Variants in COG3 observed in about 807,000 individuals in gnomAD.
COG3 encodes the protein conserved oligomeric Golgi complex subunit 3.
In COG3, 32 loss-of-function variants were observed where a neutral mutation model predicts 114.1. The ratio of observed to expected loss-of-function variants is 0.28; its 90% CI spans 0.21 to 0.38. COG3 has a LOEUF of 0.38. Among genes scored for constraint, COG3 ranks in the 10% least tolerant of loss-of-function variants. The pLI, the probability that COG3 is intolerant of heterozygous loss-of-function variation, is 1.00. For synonymous variants in COG3, 352 were observed against 365.7 expected (o/e 0.96, Z 0.43); for missense variants, 813 against 973.2 (o/e 0.84, Z 2.19).
chr13:45,496,375 A>T (rs189807534), intron 13 of COG3, 63 bp downstream of exon 13: 6 of 1,221,848 alleles, frequency 4.9e-6, no homozygotes, highest in Non-Finnish European at 6.2e-6. Context: ...TTTATTTATT[A>T]TTTTTTTAAA....
At chr13:45,480,425 C>T (rs568688594) in intron 4 of COG3, 135 bp downstream of exon 4, 5 of 596,098 alleles carry the variant, frequency 8.4e-6, no homozygotes, top group African/African-American at 5.5e-5. Flanking sequence ...GCTCAGCATG[C>T]AGATTGTTAC....
At chr13:45,514,631 TG>T (rs1373093831) in intron 16 of COG3, among the ~76,000 whole-genome samples, 1 of 152,080 alleles carries the variant, frequency 6.6e-6, no homozygotes, top group African/African-American at 2.4e-5. Flanking sequence ...ATTATTTTCA[TG>T]GTTGAGCTTG....
At chr13:45,500,629 A>G (rs1030136540) in intron 13 of COG3, among the ~76,000 whole-genome samples, 1 of 152,234 alleles carries the variant, frequency 6.6e-6, no homozygotes, top group African/African-American at 2.4e-5. Flanking sequence ...CCCTGCACCC[A>G]GTTGCTCCTA....
At chr13:45,489,085 G>A (rs1886846849) in intron 8 of COG3, among the ~76,000 whole-genome samples, 1 of 150,688 alleles carries the variant, frequency 6.6e-6, no homozygotes, top group African/African-American at 2.5e-5. Context: ...TACTTGGGAG[G>A]CTGAGGTGGG....
chr13:45,511,709 C>CTTTTTTTTT, intron 15 of COG3, 56 bp from the exon 16 acceptor site: 1 of 1,287,350 alleles, frequency 7.8e-7, no homozygotes, highest in African/African-American at 1.5e-5. Flanking sequence ...TAGGATATTC[C>CTTTTTTTTT]TTTTTTTTTG....
chr13:45,512,654 G>T (rs1479554263), intron 16 of COG3, among the ~76,000 whole-genome samples: 1 of 151,272 alleles, frequency 6.6e-6, no homozygotes, highest in African/African-American at 2.4e-5. Context: ...CTGAGAGAGG[G>T]TCTTACTCTG....
chr13:45,500,278 A>G (rs1869387225), intron 13 of COG3, among the ~76,000 whole-genome samples: 4 of 152,170 alleles, frequency 2.6e-5, no homozygotes, highest in Admixed American at 2.6e-4. Flanking sequence ...AAATTTTTTA[A>G]AAATGTAATC....
In COG3 at chr13:45,482,393, C is replaced by T. The variant is rs144395259; in HGVS notation, c.637C>T (p.Pro213Ser). 5 of 1,529,482 alleles carry T rather than the reference C, an allele frequency of 3.3e-6. No individual in the cohort carries two copies. Among genetic ancestry groups the T allele is most frequent in the African/African-American group, 1.4e-5 (1 of 72,584 alleles). The allele number at this position is 1,529,482 out of a possible 1,614,324, so 94.7% of individuals were successfully genotyped here. Residue 213 changes from proline to serine, a missense_variant, in exon 6 of 23, where the codon CCT becomes TCT. This residue lies in a region of COG3 where 424 missense variants were observed against 430.6 expected (regional missense o/e 0.98). Coordinates refer to ENST00000349995, the MANE Select transcript of COG3 (RefSeq NM_031431.4). ...TTTTCTCTTAAAGAAATTGAATTCC[C>T]CTACATTGTCGGTGAATAGTGACGG... The part of the protein sequence containing the change: ...LETINTKLNS[P>S]TLSVNSDGFI...
In COG3 at chr13:45,465,192, C is replaced by G. The variant is rs747451750; in HGVS notation, c.156C>G (p.Asn52Lys). The part of the protein sequence containing the change: ...SVLELKAAAE[N>K]LPVPAELPIE... ...TGGAGCTGAAGGCGGCGGCAGAGAA[C>G]TTGCCGGTGCCAGCTGAGGTGAGGT... Residue 52 changes from asparagine to lysine, a missense_variant, in exon 1 of 23, where the codon AAC becomes AAG. This residue lies in a region of COG3 where 424 missense variants were observed against 430.6 expected (regional missense o/e 0.98). Transcript: ENST00000349995. 8 of 1,613,630 alleles carry G rather than the reference C, an allele frequency of 5.0e-6. No individual in the cohort carries two copies. Among genetic ancestry groups the G allele is most frequent in the Non-Finnish European group, 6.8e-6 (8 of 1,179,876 alleles).
rs372498007 is a variant in COG3, at chr13:45,496,798, C to T, written c.1488+486C>T. Among the ~76,000 whole-genome samples, 16 of 152,060 alleles carry T rather than the reference C, an allele frequency of 1.1e-4. No homozygotes were observed. In the East Asian group the frequency reaches 2.3e-3, roughly 22 times the overall value. On this transcript the variant is annotated intron_variant, in intron 13 of 22. Coordinates refer to ENST00000349995, the MANE Select transcript of COG3 (RefSeq NM_031431.4). The stretch of plus-strand genomic sequence containing the variant: ...GCGCCATTCTCCTGCCTCAGCCTCC[C>T]GAGAAGCTGGGACTACAGGCGCCCG...
At chr13:45,508,849 C>T (rs1870537791) in intron 14 of COG3, among the ~76,000 whole-genome samples, 1 of 152,150 alleles carries the variant, frequency 6.6e-6, no homozygotes, top group South Asian at 2.1e-4. Flanking sequence ...GGGAAGCCCG[C>T]TCTGGTCACC....
intron 1 of COG3, chr13:45,465,717 T>C (rs1885097698): frequency 6.5e-6 from 1 of 152,936 alleles, no homozygotes. Context: ...GTTTCATTTA[T>C]CGCACATTGA....
chr13:45,529,694 TCTG>T (rs538750386), intron 20 of COG3, 94 bp from the exon 21 acceptor site: 212 of 818,674 alleles, frequency 2.6e-4, no homozygotes, highest in Non-Finnish European at 3.6e-4. Context: ...AGTCTTTTCT[TCTG>T]CTATTTTTTT....
At chr13:45,490,676 A>G (rs944940590) in intron 8 of COG3, among the ~76,000 whole-genome samples, 1 of 152,158 alleles carries the variant, frequency 6.6e-6, no homozygotes, top group African/African-American at 2.4e-5. Flanking sequence ...AAAGCAGAAT[A>G]TGTAGTATAA....
intron 10 of COG3, 23 bp downstream of exon 10, chr13:45,491,561 T>G: frequency 1.2e-6 from 2 of 1,605,048 alleles, no homozygotes; most frequent in Non-Finnish European, 1.7e-6. Context: ...TTGTTTTGGT[T>G]TAATGTTAAA....
chr13:45,479,757 A>G (rs1481032162), intron 3 of COG3, among the ~76,000 whole-genome samples: 1 of 152,172 alleles, frequency 6.6e-6, no homozygotes, highest in Admixed American at 6.5e-5. Flanking sequence ...TTGCCATGAC[A>G]TCACACCATC....
intron 1 of COG3, among the ~76,000 whole-genome samples, chr13:45,465,999 G>A (rs1432107652): frequency 6.6e-6 from 1 of 152,112 alleles, no homozygotes; most frequent in East Asian, 1.9e-4. Flanking sequence ...TGAGGGCCAG[G>A]TTTAGGAGGA....
chr13:45,483,371 T>G lies in COG3; in HGVS notation c.843+16T>G. 1 of 1,548,052 alleles carries G rather than the reference T, an allele frequency of 6.5e-7. No individual in the cohort carries two copies. The highest frequency in any genetic ancestry group is 1.2e-5 in the South Asian group (1 of 80,366). On this transcript the variant is annotated intron_variant, in intron 7 of 22. Transcript: ENST00000349995. Reference sequence around the variant, plus strand: ...ACTGAAAAGGGTGAGTTAACTGATCTCAACAACAGGTTTTTGTTATTGTTG... The same window carrying G: ...ACTGAAAAGGGTGAGTTAACTGATCGCAACAACAGGTTTTTGTTATTGTTG...
rs1031784038 is a variant in COG3 at position 45,519,002 on chromosome 13, G to T, written c.2062G>T (p.Asp688Tyr). The T allele has an allele frequency of 1.2e-6, 2 of 1,614,156 alleles. No homozygotes were observed. The highest frequency in any genetic ancestry group is 2.7e-5 in the African/African-American group (2 of 75,048). Residue 688 changes from aspartate to tyrosine, a missense_variant, in exon 19 of 23, where the codon GAC (aspartate) becomes TAC (tyrosine). Around this residue, in one of 2 missense-constraint regions of COG3, gnomAD observed 389 missense variants for 542.6 expected, o/e 0.72. Coordinates refer to ENST00000349995, the MANE Select transcript of COG3 (RefSeq NM_031431.4). Reference protein sequence around the residue: ...IREHYLDSKKDVDRHLKSACE... With the variant: ...IREHYLDSKKYVDRHLKSACE... ...AGAACATTATCTTGACTCTAAAAAA[G>T]ACGTAGACCGTCATCTGAAATCGGC...
Sources: gnomAD v4.1 joint callset for allele counts (sites outside exome capture counted in the v4.1 genomes callset) on GRCh38, gnomAD v4.1.1 for gene constraint, gnomAD v4.1.1 regional missense constraint, MANE v1.5 for transcripts, NCBI Gene and HGNC (gene_info 2026-07-23, HGNC 2026-07-21) for gene names.